The following ADORA1 variants were observed in gnomAD, a reference collection of about 807,000 sequenced individuals.
The protein encoded by ADORA1 is adenosine receptor A1.
In ADORA1, 6 loss-of-function variants were observed where a neutral mutation model predicts 19.9. The observed-to-expected ratio is 0.30, with a 90% CI of 0.17 to 0.59. The LOEUF (loss-of-function observed/expected upper bound fraction) is 0.59. ADORA1 is among the 20% of genes least tolerant of loss of function. The pLI, the probability that ADORA1 is intolerant of heterozygous loss-of-function variation, is 0.87. For missense variants in ADORA1, 302 were observed against 439.2 expected (o/e 0.69, Z 2.79); for synonymous variants, 194 against 188.4 (o/e 1.03, Z -0.24).
At chr1:203,140,176 C>G (rs1654634733) in intron 3 of ADORA1, among the ~76,000 whole-genome samples, 1 of 152,118 alleles carries the variant, frequency 6.6e-6, no homozygotes, top group Admixed American at 6.5e-5. Context: ...GGTCACTCTG[C>G]CTGCTCTGTG....
At chr1:203,162,060 G>C (rs1396272406) in intron 3 of ADORA1, among the ~76,000 whole-genome samples, 1 of 152,186 alleles carries the variant, frequency 6.6e-6, no homozygotes, top group South Asian at 2.1e-4. Flanking sequence ...ACTTGGGAGG[G>C]GCATTCCCAA....
At position 203,129,063 on chromosome 1, in the gene ADORA1, G is replaced by T. The variant is rs201501886; in HGVS notation, c.222G>T (p.Gln74His). ...CCATCCTCATCAACATTGGGCCACA[G>T]ACCTACTTCCACACCTGCCTCATGG... The part of the protein sequence containing the change: ...PLAILINIGP[Q>H]TYFHTCLMVA... Residue 74 changes from glutamine to histidine, a missense_variant, in exon 3 of 4, where the codon CAG (glutamine) becomes CAT (histidine). Coordinates refer to ENST00000337894, the MANE Select transcript of ADORA1 (RefSeq NM_000674.3). The T allele has an allele frequency of 2.9e-5, 47 of 1,614,050 alleles. No homozygotes were observed. Among genetic ancestry groups the T allele is most frequent in the Non-Finnish European group, 3.8e-5 (45 of 1,180,052 alleles).
At chr1:203,148,916 T>C (rs988208395) in intron 3 of ADORA1, among the ~76,000 whole-genome samples, 2 of 152,086 alleles carry the variant, frequency 1.3e-5, no homozygotes, top group Non-Finnish European at 2.9e-5. Context: ...TTTGCTCCGT[T>C]GCCCCAGCTG....
At chr1:203,162,100 C>T (rs1018725553) in intron 3 of ADORA1, among the ~76,000 whole-genome samples, 2 of 152,184 alleles carry the variant, frequency 1.3e-5, no homozygotes, top group Non-Finnish European at 2.9e-5. Flanking sequence ...CACACCCTTA[C>T]CCCATGCGTG....
At chr1:203,164,960 T>C in intron 3 of ADORA1, 1 of 1,420,896 alleles carries the variant, frequency 7.0e-7, no homozygotes. Flanking sequence ...TGGGAGCAAT[T>C]TTTACTGTGG....
rs2275349 is a variant in ADORA1, at chr1:203,128,986, G to C, written c.145G>C (p.Val49Leu). The C allele has an allele frequency of 6.2e-7, 1 of 1,614,174 alleles. No homozygotes were observed. The highest frequency in any genetic ancestry group is 8.5e-7 in the Non-Finnish European group (1 of 1,180,050). Residue 49 changes from valine to leucine, a missense_variant, in exon 3 of 4, where the codon GTG (valine) becomes CTG (leucine). Physicochemically the swap from Val to Leu is conservative, Grantham distance 32. Coordinates refer to ENST00000337894, the MANE Select transcript of ADORA1 (RefSeq NM_000674.3). This position sits in a 1 kb window ranked among gnomAD's most constrained non-coding sequence, Gnocchi z 5.9. ...GCGGGATGCCACCTTCTGCTTCATC[G>C]TGTCGCTGGCGGTGGCTGATGTGGC... ...ALRDATFCFI[V>L]SLAVADVAVG...
At chr1:203,140,993 A>G (rs527960208) in intron 3 of ADORA1, among the ~76,000 whole-genome samples, 1 of 152,370 alleles carries the variant, frequency 6.6e-6, no homozygotes, top group African/African-American at 2.4e-5. Context: ...ACTCGTGCAC[A>G]GTGGTTCCCA....
intron 3 of ADORA1, among the ~76,000 whole-genome samples, chr1:203,135,245 A>G (rs1331947982): frequency 6.6e-6 from 1 of 152,230 alleles, no homozygotes; most frequent in Non-Finnish European, 1.5e-5. Context: ...ATATTTGAAT[A>G]TCATATTTTA....
chr1:203,156,154 G>A (rs564849622), intron 3 of ADORA1, among the ~76,000 whole-genome samples: 2 of 152,256 alleles, frequency 1.3e-5, no homozygotes, highest in South Asian at 4.1e-4. Context: ...TGTCCTACTG[G>A]GGCTTACATT....
In ADORA1 at chr1:203,135,031, G is replaced by A. The variant is rs190406736; in HGVS notation, c.341+5849G>A. On this transcript the variant is annotated intron_variant, in intron 3 of 3. Transcript: ENST00000337894. ...CCTTCCCTGAGCCCCACCCCACCTG[G>A]ACCAGTTTCCTCTGGTAGACACTCA... Among the ~76,000 whole-genome samples the A allele has an allele frequency of 6.2e-3, 950 of 152,234 alleles. 33 individuals are homozygous for A. Among genetic ancestry groups the A allele is most frequent in the Admixed American group, 0.056 (862 of 15,288 alleles).
chr1:203,163,825 A>G (rs1204989949), intron 3 of ADORA1, among the ~76,000 whole-genome samples: 3 of 152,190 alleles, frequency 2.0e-5, no homozygotes, highest in Non-Finnish European at 4.4e-5. Context: ...CATCATCACC[A>G]TGCAGGAGAA....
chr1:203,147,074 A>C (rs1571796642), intron 3 of ADORA1, among the ~76,000 whole-genome samples: 1 of 152,152 alleles, frequency 6.6e-6, no homozygotes. Context: ...TTAAACACTA[A>C]CCATCCAAGT....
chr1:203,164,613 G>C (rs1306998233), intron 3 of ADORA1, among the ~76,000 whole-genome samples: 2 of 152,220 alleles, frequency 1.3e-5, no homozygotes, highest in Non-Finnish European at 2.9e-5. Context: ...AGGTTCATAT[G>C]GAGGTGGGAG....
At chr1:203,138,288 G>T (rs1419033305) in intron 3 of ADORA1, among the ~76,000 whole-genome samples, 2 of 152,180 alleles carry the variant, frequency 1.3e-5, no homozygotes, top group Non-Finnish European at 2.9e-5. Flanking sequence ...TGAGCAGGTG[G>T]TTGGATATAC....
chr1:203,156,480 T>A (rs903970760), intron 3 of ADORA1, among the ~76,000 whole-genome samples: 1 of 152,074 alleles, frequency 6.6e-6, no homozygotes, highest in Admixed American at 6.5e-5. Context: ...CAAAGGAGTG[T>A]CCACTAGCAT....
chr1:203,141,746 A>G (rs1654701784), intron 3 of ADORA1, among the ~76,000 whole-genome samples: 1 of 151,690 alleles, frequency 6.6e-6, no homozygotes, highest in African/African-American at 2.4e-5. Context: ...ACGCCCAGGT[A>G]ATTCTTTTCT....
intron 3 of ADORA1, among the ~76,000 whole-genome samples, chr1:203,147,265 G>A (rs1015655638): frequency 6.6e-6 from 1 of 152,140 alleles, no homozygotes. Context: ...TCATTTTGCT[G>A]AGGCAGGGAG....
chr1:203,139,477 C>G (rs1028522763), intron 3 of ADORA1, among the ~76,000 whole-genome samples: 5 of 152,168 alleles, frequency 3.3e-5, no homozygotes, highest in Admixed American at 2.0e-4. Context: ...GGGAGAGTGA[C>G]TAGGCTCAGG....
intron 3 of ADORA1, chr1:203,144,675 G>A (rs1654805657): frequency 6.6e-6 from 1 of 152,210 alleles, no homozygotes; most frequent in Admixed American, 6.5e-5. Flanking sequence ...GGGTGACCTT[G>A]AGGAAATCAC....
Sources: gnomAD v4.1 joint callset for allele counts (sites outside exome capture counted in the v4.1 genomes callset) on GRCh38, gnomAD v4.1.1 for gene constraint, Gnocchi (gnomAD v3.1) non-coding constraint, MANE v1.5 for transcripts, NCBI Gene and HGNC (gene_info 2026-07-23, HGNC 2026-07-21) for gene names.